RFFL: variants seen among roughly 807,000 people sequenced by gnomAD.
RFFL encodes the protein ring finger and FYVE like domain containing E3 ubiquitin protein ligase, also known as E3 ubiquitin-protein ligase rififylin.
A neutral mutation model predicts 40.4 loss-of-function variants in RFFL; 16 were observed. That is an observed-to-expected ratio of 0.40 (90% CI 0.27 to 0.60). The LOEUF is 0.60. RFFL is among the 20% of genes least tolerant of loss of function. The pLI is 0.47. For missense variants in RFFL, 367 were observed against 451.7 expected, an observed-to-expected ratio of 0.81 and a Z score of 1.70; for synonymous variants, 154 against 167.9, an observed-to-expected ratio of 0.92 and a Z score of 0.64.
At position 35,028,426 on chromosome 17, in the gene RFFL, G is replaced by A. The variant is rs527545797; in HGVS notation, c.-8-1865C>T. On this transcript the variant is annotated intron_variant, in intron 1 of 6. Coordinates refer to ENST00000394597, the MANE Select transcript of RFFL (RefSeq NM_001017368.2). ...GGGACAAAGGGCTGATGATTTTTAC[G>A]ATCACAAAACAAAGAGGATCTGGAT... Among the ~76,000 whole-genome samples, 15 of 151,958 alleles carry A rather than the reference G, an allele frequency of 9.9e-5. 1 individual carries two copies. Among genetic ancestry groups the A allele is most frequent in the African/African-American group, 2.4e-4 (10 of 41,354 alleles).
chr17:35,020,015 C>G (rs9892424), intron 3 of RFFL, among the ~76,000 whole-genome samples: 2 of 152,190 alleles, frequency 1.3e-5, no homozygotes, highest in African/African-American at 4.8e-5. Flanking sequence ...TGTGTGGGAA[C>G]CAACAGCACT....
intron 1 of RFFL, among the ~76,000 whole-genome samples, chr17:35,034,068 G>A (rs921622685): frequency 3.3e-5 from 5 of 150,770 alleles, no homozygotes; most frequent in Middle Eastern, 3.4e-3. Flanking sequence ...GCGTGAACCC[G>A]GGAGGCGGAG....
At chr17:35,045,728 A>G (rs1392746430) in intron 1 of RFFL, among the ~76,000 whole-genome samples, 1 of 152,156 alleles carries the variant, frequency 6.6e-6, no homozygotes, top group Non-Finnish European at 1.5e-5. Context: ...ATTCATGCTT[A>G]AAATTGCACA....
rs1298674029 is a variant in RFFL at position 35,009,443 on chromosome 17, A to G, written c.*2525T>C. ...ATAATTCTAAGAATTAGATGTTTCCATATCATTAAAACCAAGGATCCATGA... is the reference window on the plus strand; with the variant it reads ...ATAATTCTAAGAATTAGATGTTTCCGTATCATTAAAACCAAGGATCCATGA... On this transcript the variant is annotated 3_prime_UTR_variant, in exon 7 of 7. Coordinates refer to ENST00000394597, the MANE Select transcript of RFFL (RefSeq NM_001017368.2). The G allele has an allele frequency of 6.6e-6, 1 of 152,232 alleles. No homozygotes were observed. Among genetic ancestry groups the G allele is most frequent in the Non-Finnish European group, 1.5e-5 (1 of 68,040 alleles). 9.4% of individuals were successfully genotyped at this position (152,232 alleles called of 1,614,324 possible).
At chr17:35,017,359 C>G (rs1457230273) in intron 4 of RFFL, among the ~76,000 whole-genome samples, 164 bp downstream of exon 4, 1 of 152,200 alleles carries the variant, frequency 6.6e-6, no homozygotes, top group African/African-American at 2.4e-5. Context: ...GACCGCTTCA[C>G]TAGTTAACCT....
In RFFL at chr17:35,006,862, T is replaced by G. The variant is rs1262777322; in HGVS notation, c.*5106A>C. 2 of 152,324 alleles carry G rather than the reference T, an allele frequency of 1.3e-5. No individual in the cohort carries two copies. Among genetic ancestry groups the G allele is most frequent in the African/African-American group, 4.8e-5 (2 of 41,414 alleles). The allele number at this position is 152,324 out of a possible 1,614,324, so 9.4% of individuals were successfully genotyped here. ...TTGACTTTGGCTTCCACCTACTGTTTAAAATGTGTATGTTGGGGGAGTAGG... is the reference window on the plus strand; with the variant it reads ...TTGACTTTGGCTTCCACCTACTGTTGAAAATGTGTATGTTGGGGGAGTAGG... On this transcript the variant is annotated 3_prime_UTR_variant, in exon 7 of 7. Transcript: ENST00000394597.
At chr17:35,075,107 T>G (rs995661267) in intron 1 of RFFL, among the ~76,000 whole-genome samples, 2 of 152,218 alleles carry the variant, frequency 1.3e-5, no homozygotes, top group Admixed American at 1.3e-4. Context: ...CTCTCACTCC[T>G]GTTCCCCATC....
At chr17:35,071,617 G>C (rs1157977606) in intron 1 of RFFL, among the ~76,000 whole-genome samples, 3 of 149,528 alleles carry the variant, frequency 2.0e-5, no homozygotes, top group African/African-American at 4.9e-5. Flanking sequence ...GTGAGACACT[G>C]TCCAAAAAAA....
At chr17:35,086,161 A>G (rs1200555237) in intron 1 of RFFL, among the ~76,000 whole-genome samples, 2 of 152,220 alleles carry the variant, frequency 1.3e-5, no homozygotes, top group African/African-American at 4.8e-5. Context: ...TTTCCTTACG[A>G]AAGACCCGGG....
chr17:35,035,572 A>G (rs1206318990), intron 1 of RFFL, among the ~76,000 whole-genome samples: 1 of 151,742 alleles, frequency 6.6e-6, no homozygotes, highest in South Asian at 2.1e-4. Context: ...AGACCTGCTC[A>G]GTCTAACAGA....
intron 5 of RFFL, among the ~76,000 whole-genome samples, chr17:35,015,961 T>C (rs2090970508): frequency 1.3e-5 from 2 of 152,214 alleles, no homozygotes; most frequent in Non-Finnish European, 2.9e-5. Flanking sequence ...TCTCCTGCCA[T>C]GTATGTAGAT....
chr17:35,056,396 G>A (rs987091016), intron 1 of RFFL, among the ~76,000 whole-genome samples: 1 of 32,050 alleles, frequency 3.1e-5, no homozygotes, highest in African/African-American at 1.5e-4. Flanking sequence ...TTTTTTTTTT[G>A]AGACAAAGTT....
intron 1 of RFFL, among the ~76,000 whole-genome samples, chr17:35,070,289 C>T (rs2091341240): frequency 6.6e-6 from 1 of 152,144 alleles, no homozygotes; most frequent in Non-Finnish European, 1.5e-5. Flanking sequence ...CCCACCTCAG[C>T]CTCACGAGTA....
intron 1 of RFFL, among the ~76,000 whole-genome samples, chr17:35,055,122 G>C (rs1411104434): frequency 6.6e-6 from 1 of 151,928 alleles, no homozygotes; most frequent in African/African-American, 2.4e-5. Context: ...GTTTCACCGT[G>C]TTAGCCAAGA....
chr17:35,072,548 G>A (rs571646852), intron 1 of RFFL, among the ~76,000 whole-genome samples: 62 of 150,646 alleles, frequency 4.1e-4, no homozygotes, highest in African/African-American at 1.4e-3. Context: ...CCATACATGT[G>A]ATAAAACAGC....
chr17:35,025,833 C>A (rs2091037561), intron 2 of RFFL, among the ~76,000 whole-genome samples: 1 of 152,208 alleles, frequency 6.6e-6, no homozygotes, highest in Admixed American at 6.5e-5. Context: ...GGCTCCCAAG[C>A]ATTTCAAATG....
intron 1 of RFFL, among the ~76,000 whole-genome samples, chr17:35,079,313 C>T (rs1195851919): frequency 1.3e-5 from 2 of 152,094 alleles, no homozygotes; most frequent in African/African-American, 2.4e-5. Flanking sequence ...CGTGAGCCAC[C>T]GCCCAACCTG....
chr17:35,039,687 T>G (rs957202340), intron 1 of RFFL, among the ~76,000 whole-genome samples: 17 of 152,026 alleles, frequency 1.1e-4, no homozygotes, highest in Non-Finnish European at 4.4e-5. Context: ...ACTCCACTTT[T>G]TTTTTTTGAA....
chr17:35,036,878 G>A (rs2091126703), intron 1 of RFFL, among the ~76,000 whole-genome samples: 1 of 152,204 alleles, frequency 6.6e-6, no homozygotes, highest in South Asian at 2.1e-4. Flanking sequence ...CAGATCAGTG[G>A]TTGTCATGGG....
Sources: gnomAD v4.1 joint callset for allele counts (sites outside exome capture counted in the v4.1 genomes callset) on GRCh38, gnomAD v4.1.1 for gene constraint, MANE v1.5 for transcripts, NCBI Gene and HGNC (gene_info 2026-07-23, HGNC 2026-07-21) for gene names.